ABCB9: variants seen among roughly 807,000 people sequenced by gnomAD.
The protein encoded by ABCB9 is ATP binding cassette subfamily B member 9, also known as ABC-type oligopeptide transporter ABCB9.
A neutral mutation model predicts 62.0 loss-of-function variants in ABCB9; 36 were observed. The ratio of observed to expected loss-of-function variants is 0.58; its 90% CI spans 0.45 to 0.77. The LOEUF is 0.77. Ranked by LOEUF, ABCB9 falls within the 30% of genes least tolerant of loss-of-function variation. ABCB9 has a pLI of 0.00. For synonymous variants in ABCB9, 435 were observed against 461.4 expected, an observed-to-expected ratio of 0.94 and a Z score of 0.73; for missense variants, 943 against 1,054.7, an observed-to-expected ratio of 0.89 and a Z score of 1.47.
intron 1 of ABCB9, among the ~76,000 whole-genome samples, chr12:122,973,998 T>TC (rs2037335764): frequency 6.6e-6 from 1 of 152,222 alleles, no homozygotes; most frequent in African/African-American, 2.4e-5. Flanking sequence ...TGAGCGGAGA[T>TC]CGCGCCACTG....
downstream of ABCB9, among the ~76,000 whole-genome samples, chr12:122,928,677 G>A (rs1167093321): frequency 6.6e-6 from 1 of 151,952 alleles, no homozygotes; most frequent in African/African-American, 2.4e-5. Context: ...GGGTGCCTGG[G>A]CCCCGATGGA....
At chr12:122,966,722 C>T (rs2037194328), upstream of ABCB9, among the ~76,000 whole-genome samples, 3 of 152,388 alleles carry the variant, frequency 2.0e-5, no homozygotes, top group East Asian at 5.8e-4. Context: ...CCAACCAGGC[C>T]CTCCACACTG....
chr12:122,924,541 T>TTTGAG, downstream of ABCB9: 1 of 1,194,152 alleles, frequency 8.4e-7, no homozygotes, highest in African/African-American at 1.6e-5. Flanking sequence ...AAACATTTCT[T>TTTGAG]TAATGGCTGT....
At chr12:122,969,123 T>C (rs1393444699), upstream of ABCB9, among the ~76,000 whole-genome samples, 1 of 147,060 alleles carries the variant, frequency 6.8e-6, no homozygotes, top group Non-Finnish European at 1.5e-5. Flanking sequence ...GTGAAACAGG[T>C]GAGGCACAGG....
Position 122,960,250 on chromosome 12 carries a change from G to A in ABCB9, c.-15C>T. On this transcript the variant is annotated 5_prime_UTR_variant, in exon 2 of 12. Transcript: ENST00000280560. ...CACAGCCGCATCCTGCTGGTTGGAG[G>A]TGGGCGGGTGCTGAAGGCCAGGTTG... is the stretch of plus-strand genomic sequence containing the variant. 1.2e-6 allele frequency: 2 copies of A among 1,605,410 alleles called. No homozygotes were observed. The highest frequency in any genetic ancestry group is 1.7e-5 in the Admixed American group (1 of 59,734).
chr12:122,967,413 G>A (rs80014808), upstream of ABCB9, among the ~76,000 whole-genome samples: 774 of 152,330 alleles, frequency 5.1e-3, 7 homozygotes, highest in African/African-American at 0.017. Context: ...GGCCTGAACC[G>A]TGGGAAGTGG....
Position 122,950,421 on chromosome 12 carries a change from G to A in ABCB9, c.716+30C>T, listed in dbSNP as rs753435075. On this transcript the variant is annotated intron_variant, in intron 3 of 11. Coordinates refer to ENST00000280560, the MANE Select transcript of ABCB9 (RefSeq NM_019625.4). ...CTCCCTGGTGCAGGTCGGGGTGTGC[G>A]GGGCAGGGCGTGGGGGTTGAGCCAG... 54 of 1,579,830 alleles carry A rather than the reference G, an allele frequency of 3.4e-5. No individual in the cohort carries two copies. In the Admixed American group the frequency reaches 4.6e-4, roughly 14 times the overall value.
chr12:122,928,468 C>CAA (rs60751364), downstream of ABCB9, among the ~76,000 whole-genome samples: 15 of 87,414 alleles, frequency 1.7e-4, no homozygotes, highest in Non-Finnish European at 1.8e-4. Context: ...GGCTCTGTCT[C>CAA]AAAAAAAAAA....
chr12:122,931,996 TG>T, intron 11 of ABCB9, 195 bp downstream of exon 11: 1 of 933,132 alleles, frequency 1.1e-6, no homozygotes, highest in Non-Finnish European at 1.6e-6. Context: ...CAGCTCTGCC[TG>T]GAGCCTGGAG....
chr12:122,930,743 G>A lies in ABCB9; in HGVS notation c.2041-572C>T, dbSNP rs1022391730. 6.6e-6 allele frequency among the ~76,000 whole-genome samples: 1 copy of A among 151,758 alleles called. No homozygotes were observed. The highest frequency in any genetic ancestry group is 1.5e-5 in the Non-Finnish European group (1 of 68,004). ...TCTTATCTGCCTTCCCCACTGGAAT[G>A]GAAACACCATGGGGACAAGGGTCTT... On this transcript the variant is annotated intron_variant, in intron 11 of 11. Transcript: ENST00000280560. This position sits in a 1 kb window ranked among gnomAD's most constrained non-coding sequence, Gnocchi z 4.9.
At chr12:122,950,308 A>C (rs2036292854) in intron 3 of ABCB9, 143 bp downstream of exon 3, 1 of 766,034 alleles carries the variant, frequency 1.3e-6, no homozygotes, top group African/African-American at 1.8e-5. Context: ...GCCGGTTCCC[A>C]GGGTGACCAG....
intron 1 of ABCB9, among the ~76,000 whole-genome samples, chr12:122,962,815 C>T (rs1447586732): frequency 6.6e-6 from 1 of 152,196 alleles, no homozygotes; most frequent in Non-Finnish European, 1.5e-5. Context: ...CTCACAGCAA[C>T]TTTGTGAGAT....
chr12:122,923,409 C>T (rs1333195751), intron 11 of ABCB9, among the ~76,000 whole-genome samples: 1 of 152,192 alleles, frequency 6.6e-6, no homozygotes, highest in Non-Finnish European at 1.5e-5. Flanking sequence ...TGCTCAGCCT[C>T]CCGAGTAGCT....
intron 4 of ABCB9, chr12:122,949,421 C>T (rs2036234751): frequency 1.9e-5 from 4 of 214,046 alleles, no homozygotes; most frequent in Non-Finnish European, 2.8e-5. Flanking sequence ...TCGTCTTCCC[C>T]GTTGTGGCCC....
intron 4 of ABCB9, chr12:122,949,422 G>A (rs1196792192): frequency 1.8e-5 from 4 of 216,386 alleles, no homozygotes; most frequent in Non-Finnish European, 2.8e-5. Flanking sequence ...CGTCTTCCCC[G>A]TTGTGGCCCC....
chr12:122,959,728 A>C lies in ABCB9; in HGVS notation c.508T>G (p.Ser170Ala). 1.2e-6 allele frequency: 2 copies of C among 1,611,078 alleles called. No individual in the cohort carries two copies. The highest frequency in any genetic ancestry group is 1.7e-6 in the Non-Finnish European group (2 of 1,178,606). Residue 170 changes from serine to alanine, a missense_variant, in exon 2 of 12, where the codon TCT becomes GCT. By Grantham distance (99) the Ser-to-Ala change is moderately conservative. Transcript: ENST00000280560. This position sits in a 1 kb window ranked among gnomAD's most constrained non-coding sequence, Gnocchi z 5.4. ...AGCAGCTTCTGCAGCGTGGCCCCAGACGCCTGCTCGGGCGGTGGCCGGCCG... is the reference window on the plus strand; with the variant it reads ...AGCAGCTTCTGCAGCGTGGCCCCAGCCGCCTGCTCGGGCGGTGGCCGGCCG... ...GSGRPPPEQA[S>A]GATLQKLLSY... is the part of the protein sequence containing the mutation.
Position 122,950,583 on chromosome 12 carries a change from G to C in ABCB9, c.602-18C>G, listed in dbSNP as rs1236276503. 2 of 1,600,486 alleles carry C rather than the reference G, an allele frequency of 1.2e-6. No individual in the cohort carries two copies. Among genetic ancestry groups the C allele is most frequent in the East Asian group, 2.2e-5 (1 of 44,732 alleles). On this transcript the variant is annotated intron_variant, in intron 2 of 11. Transcript: ENST00000280560. The stretch of plus-strand genomic sequence containing the variant: ...GGTCTCTCCTGGGGGAGGCAGGGCA[G>C]CCTCAGGGACGTCTGCAGCCAGGGG...
At chr12:122,955,805 G>A (rs1323551968) in intron 2 of ABCB9, among the ~76,000 whole-genome samples, 2 of 151,458 alleles carry the variant, frequency 1.3e-5, no homozygotes. Context: ...TCCACCTCCT[G>A]GGTTCAAGAT....
chr12:122,924,160 G>C (rs2034826196), downstream of ABCB9, among the ~76,000 whole-genome samples: 1 of 152,180 alleles, frequency 6.6e-6, no homozygotes, highest in Non-Finnish European at 1.5e-5. Flanking sequence ...GTTGGAAACT[G>C]AAATACACTC....
Sources: allele counts gnomAD v4.1 joint callset (sites outside exome capture counted in the v4.1 genomes callset), GRCh38; gene constraint gnomAD v4.1.1; non-coding constraint Gnocchi (gnomAD v3.1); transcripts MANE v1.5; gene names NCBI Gene and HGNC (gene_info 2026-07-23, HGNC 2026-07-21).